ZNF354A: variants seen among roughly 807,000 people sequenced by gnomAD.
ZNF354A encodes zinc finger protein 354A.
ZNF354A carries 25 observed loss-of-function variants against 53.3 expected under a neutral mutation model. The ratio of observed to expected loss-of-function variants is 0.47; its 90% CI spans 0.34 to 0.66. The LOEUF (loss-of-function observed/expected upper bound fraction) is 0.66. Among genes scored for constraint, ZNF354A ranks in the 30% least tolerant of loss-of-function variants. The pLI, the probability that ZNF354A is intolerant of heterozygous loss-of-function variation, is 0.01. For synonymous variants in ZNF354A, 228 were observed against 249.0 expected, an observed-to-expected ratio of 0.92 and a Z score of 0.79; for missense variants, 586 against 716.8, an observed-to-expected ratio of 0.82 and a Z score of 2.08.
chr5:178,711,896 C>T lies in ZNF354A; in HGVS notation c.*164G>A, dbSNP rs1035131026. The T allele has an allele frequency of 1.1e-5, 8 of 752,604 alleles. No individual in the cohort carries two copies. In the African/African-American group the frequency reaches 1.1e-4, roughly 10 times the overall value. The allele number at this position is 752,604 out of a possible 1,614,324, so 46.6% of individuals were successfully genotyped here. On this transcript the variant is annotated 3_prime_UTR_variant, in exon 5 of 5. Transcript: ENST00000335815. ...GTGTCTGACAGGCACAAACACTTTC[C>T]TCATATCTATTATATAGCTGAGGTT...
chr5:178,725,004 G>C (rs1765877888), intron 4 of ZNF354A, among the ~76,000 whole-genome samples: 2 of 152,158 alleles, frequency 1.3e-5, no homozygotes, highest in South Asian at 2.1e-4. Flanking sequence ...CCACCTCTTA[G>C]AACCGTGCCC....
intron 3 of ZNF354A, among the ~76,000 whole-genome samples, chr5:178,726,430 G>A (rs1261966649): frequency 2.6e-5 from 4 of 151,684 alleles, no homozygotes; most frequent in African/African-American, 7.3e-5. Flanking sequence ...TCAAAGTAGC[G>A]GGGACTACAG....
chr5:178,727,863 T>A (rs1278690243), intron 2 of ZNF354A, among the ~76,000 whole-genome samples: 1 of 150,072 alleles, frequency 6.7e-6, no homozygotes, highest in Non-Finnish European at 1.5e-5. Flanking sequence ...TTTTTTTTTT[T>A]CTTTGAGACA....
At chr5:178,720,231 A>G (rs1276492040) in intron 4 of ZNF354A, among the ~76,000 whole-genome samples, 1 of 152,266 alleles carries the variant, frequency 6.6e-6, no homozygotes, top group Non-Finnish European at 1.5e-5. Flanking sequence ...TTCAATAACC[A>G]GCAACACTAT....
intron 4 of ZNF354A, among the ~76,000 whole-genome samples, chr5:178,725,103 A>G (rs1436734815): frequency 6.6e-6 from 1 of 152,222 alleles, no homozygotes; most frequent in Non-Finnish European, 1.5e-5. Context: ...AGCTTCAGCC[A>G]GAGTGATTAT....
chr5:178,713,622 C>T lies in ZNF354A; in HGVS notation c.257-1G>A, dbSNP rs758411416. On this transcript the variant is annotated splice_acceptor_variant, in intron 4 of 4. Transcript: ENST00000335815. LOFTEE classifies it high-confidence loss of function. ...GTGGTTTTATGACTGCTCTTCGATC[C>T]TGGAGGGAAAAAAAAAATCAAAAAT... 5 of 1,539,426 alleles carry T rather than the reference C, an allele frequency of 3.2e-6. No homozygotes were observed. The South Asian group carries it at 5.0e-5, about 15-fold the overall frequency.
At position 178,719,718 on chromosome 5, in the gene ZNF354A, C is replaced by T. The variant is rs183912993; in HGVS notation, c.256+5658G>A. Among the ~76,000 whole-genome samples, 364 of 152,218 alleles carry T rather than the reference C, an allele frequency of 2.4e-3. 4 individuals are homozygous for T. In the East Asian group the frequency reaches 0.035, roughly 15 times the overall value. On this transcript the variant is annotated intron_variant, in intron 4 of 4. Transcript: ENST00000335815. The stretch of plus-strand genomic sequence containing the variant: ...ATCCCAGCACTTTGGGAGGCCGAGG[C>T]GGGCGGATCACGAGGTCAGGAGATC...
chr5:178,714,320 T>C (rs1400907142), intron 4 of ZNF354A, among the ~76,000 whole-genome samples: 2 of 152,140 alleles, frequency 1.3e-5, no homozygotes, highest in East Asian at 1.9e-4. Flanking sequence ...ATAATTATTC[T>C]TAATCTGGAA....
At position 178,723,571 on chromosome 5, in the gene ZNF354A, T is replaced by A. The variant is rs377234085; in HGVS notation, c.256+1805A>T. Among the ~76,000 whole-genome samples the A allele has an allele frequency of 2.0e-4, 31 of 152,286 alleles. No individual in the cohort carries two copies. The East Asian group carries it at 2.1e-3, about 10-fold the overall frequency. On this transcript the variant is annotated intron_variant, in intron 4 of 4. Coordinates refer to ENST00000335815, the MANE Select transcript of ZNF354A (RefSeq NM_005649.3). ...TCCCAGGCCCTTCCACAGGGAAGCC[T>A]TTGCTGACGCCACCTGCCTGCTCTG...
intron 4 of ZNF354A, among the ~76,000 whole-genome samples, chr5:178,722,117 G>A (rs1404323495): frequency 2.0e-5 from 3 of 152,002 alleles, no homozygotes; most frequent in Non-Finnish European, 4.4e-5. Context: ...TTCCCTATGG[G>A]TTCATTTCTC....
intron 3 of ZNF354A, among the ~76,000 whole-genome samples, chr5:178,726,441 G>GAA (rs1765909194): frequency 6.6e-6 from 1 of 152,000 alleles, no homozygotes; most frequent in Admixed American, 6.6e-5. Flanking sequence ...GGGACTACAG[G>GAA]CGCCCGGCAT....
chr5:178,726,464 A>AT (rs1464763532), intron 3 of ZNF354A, among the ~76,000 whole-genome samples: 7 of 151,264 alleles, frequency 4.6e-5, no homozygotes, highest in Non-Finnish European at 8.8e-5. Context: ...CACCCAGCTA[A>AT]TTTTTTTTGT....
At chr5:178,714,432 T>G (rs1765679981) in intron 4 of ZNF354A, among the ~76,000 whole-genome samples, 1 of 152,182 alleles carries the variant, frequency 6.6e-6, no homozygotes, top group African/African-American at 2.4e-5. Flanking sequence ...TCCCTTCTCC[T>G]TACTATAGCA....
chr5:178,725,259 C>T (rs1409059322), intron 4 of ZNF354A, 117 bp downstream of exon 4: 4 of 973,824 alleles, frequency 4.1e-6, no homozygotes, highest in South Asian at 4.0e-5. Flanking sequence ...TTCCGCTTCC[C>T]CATCACTTCT....
In ZNF354A at chr5:178,726,932, T is replaced by A. The variant is rs1209699069; in HGVS notation, c.160+67A>T. On this transcript the variant is annotated intron_variant, in intron 3 of 4. Transcript: ENST00000335815. ...ATTTTTCAGTGACCAACCGCTTTTATTCAGGGAAGGAGGTGCTGAGATATC... is the reference window on the plus strand; with the variant it reads ...ATTTTTCAGTGACCAACCGCTTTTAATCAGGGAAGGAGGTGCTGAGATATC... The A allele has an allele frequency of 1.7e-5, 26 of 1,539,802 alleles. No homozygotes were observed. The South Asian group carries it at 3.4e-4, about 20-fold the overall frequency.
intron 4 of ZNF354A, among the ~76,000 whole-genome samples, chr5:178,720,803 G>A (rs559291470): frequency 3.9e-5 from 6 of 152,192 alleles, no homozygotes; most frequent in African/African-American, 1.2e-4. Flanking sequence ...CATCAAAACC[G>A]CTCTTAGCAC....
intron 1 of ZNF354A, among the ~76,000 whole-genome samples, chr5:178,729,612 G>A (rs949877470): frequency 5.3e-5 from 8 of 151,386 alleles, no homozygotes; most frequent in South Asian, 2.1e-4. Flanking sequence ...GTGCAGTAGC[G>A]CAGTGGCAGG....
At chr5:178,719,156 C>T (rs930369779) in intron 4 of ZNF354A, among the ~76,000 whole-genome samples, 3 of 152,068 alleles carry the variant, frequency 2.0e-5, no homozygotes, top group African/African-American at 7.2e-5. Flanking sequence ...GCATTGGTCA[C>T]GCCTTACTTT....
rs1765634435 is a variant in ZNF354A, at chr5:178,712,327, A to T, written c.1551T>A (p.Thr517=). 6.8e-6 allele frequency: 11 copies of T among 1,614,018 alleles called. No homozygotes were observed. Among genetic ancestry groups the T allele is most frequent in the African/African-American group, 2.7e-5 (2 of 74,928 alleles). ...CCTCACATCGATATGGTTTCTCTCC[A>T]GTATGAATTCTCTGGTGATTACTAA... ...SSLSNHQRIH[T]GEKPYRCEEC... is the part of the protein sequence containing the mutation. The change falls in exon 5 of 5, where the codon ACT becomes ACA. Residue 517 remains threonine, a synonymous_variant. Coordinates refer to ENST00000335815, the MANE Select transcript of ZNF354A (RefSeq NM_005649.3).
Sources: gnomAD v4.1 joint callset for allele counts (sites outside exome capture counted in the v4.1 genomes callset) on GRCh38, gnomAD v4.1.1 for gene constraint, MANE v1.5 for transcripts, NCBI Gene and HGNC (gene_info 2026-07-23, HGNC 2026-07-21) for gene names.